The following SULF2 variants were observed in gnomAD, a reference collection of about 807,000 sequenced individuals.
SULF2 encodes the protein sulfatase 2.
A neutral mutation model predicts 107.7 loss-of-function variants in SULF2; 52 were observed. The observed-to-expected ratio is 0.48, with a 90% CI of 0.39 to 0.61. The LOEUF is 0.61. Among genes scored for constraint, SULF2 ranks in the 20% least tolerant of loss-of-function variants. The pLI is 0.00. For synonymous variants in SULF2, 460 were observed against 464.3 expected (o/e 0.99, Z 0.12); for missense variants, 993 against 1,177.3 (o/e 0.84, Z 2.29).
intron 2 of SULF2, among the ~76,000 whole-genome samples, chr20:47,756,250 A>G (rs1466393163): frequency 6.6e-6 from 1 of 152,172 alleles, no homozygotes; most frequent in African/African-American, 2.4e-5. Context: ...CCCCATAGTT[A>G]TCAAATGCGC....
chr20:47,704,044 C>T (rs6094789), intron 3 of SULF2, among the ~76,000 whole-genome samples: 53,605 of 151,930 alleles, frequency 0.35, 9,881 homozygotes, highest in Non-Finnish European at 0.41. Flanking sequence ...GGGAGTTTCT[C>T]GGGTGATGAT....
At chr20:47,785,758 C>A (rs1045407319), upstream of SULF2, 3 of 148,070 alleles carry the variant, frequency 2.0e-5, no homozygotes, top group African/African-American at 7.3e-5. Flanking sequence ...CCGGGAGCCG[C>A]GGACGGCTGG....
In SULF2 at chr20:47,678,721, C is replaced by T; in HGVS notation, c.1148G>A (p.Gly383Glu). The T allele has an allele frequency of 6.2e-7, 1 of 1,613,994 alleles. No individual in the cohort carries two copies. Among genetic ancestry groups the T allele is most frequent in the Non-Finnish European group, 8.5e-7 (1 of 1,180,010 alleles). ...AGLDIPADMDGKSILKLLDTE... is the reference protein window; with the variant it reads ...AGLDIPADMDEKSILKLLDTE... ...GTCCAGCAGCTTGAGGATGGATTTC[C>T]CGTCCATATCCGCAGGTATGTCCAG... The change falls in exon 8 of 21, where the codon GGG becomes GAG. Residue 383 changes from glycine to glutamate, a missense_variant. This residue lies in a region of SULF2 where 108 missense variants were observed against 183.9 expected (regional missense o/e 0.59). Coordinates refer to ENST00000688720, the MANE Select transcript of SULF2 (RefSeq NM_001387048.1). The surrounding 1 kb of genome is among the most constrained non-coding windows in gnomAD (Gnocchi z 4.5).
intron 1 of SULF2, 57 bp from the exon 2 acceptor site, chr20:47,757,520 T>A: frequency 9.7e-6 from 8 of 826,288 alleles, no homozygotes; most frequent in Non-Finnish European, 1.3e-5. Flanking sequence ...GGCTGCTCAT[T>A]CTTGCATAAT....
intron 1 of SULF2, among the ~76,000 whole-genome samples, chr20:47,775,618 G>A (rs769194512): frequency 2.0e-5 from 3 of 152,186 alleles, no homozygotes; most frequent in Non-Finnish European, 4.4e-5. Context: ...TTCGGCTAAT[G>A]AACACTTGGA....
At chr20:47,780,615 GC>G (rs2090814075) in intron 1 of SULF2, among the ~76,000 whole-genome samples, 1 of 151,974 alleles carries the variant, frequency 6.6e-6, no homozygotes. Flanking sequence ...GTGCAGTAGT[GC>G]GATCTCAGCT....
At chr20:47,715,529 A>G (rs6125084) in intron 3 of SULF2, among the ~76,000 whole-genome samples, 24,808 of 151,608 alleles carry the variant, frequency 0.16, 2,158 homozygotes, top group East Asian at 0.26. Context: ...TGAACCAACG[A>G]ACACCTCGTA....
intron 3 of SULF2, among the ~76,000 whole-genome samples, chr20:47,724,274 GGGGACAAACA>G (rs1405079001): frequency 6.6e-6 from 1 of 152,234 alleles, no homozygotes; most frequent in Non-Finnish European, 1.5e-5. Flanking sequence ...GCCAGTTGCT[GGGGACAAACA>G]GGGACAAGCA....
intron 3 of SULF2, among the ~76,000 whole-genome samples, chr20:47,733,377 A>AAC (rs1399055298): frequency 1.3e-5 from 2 of 152,184 alleles, no homozygotes; most frequent in African/African-American, 4.8e-5. Flanking sequence ...CAATTTGTGA[A>AAC]ACACATTATA....
chr20:47,660,850 A>C (rs2087041734), intron 18 of SULF2, among the ~76,000 whole-genome samples: 2 of 152,036 alleles, frequency 1.3e-5, no homozygotes, highest in Non-Finnish European at 2.9e-5. Flanking sequence ...TCCCAAACAA[A>C]ACTCAGGATT....
chr20:47,771,479 A>G (rs1439987118), intron 1 of SULF2, among the ~76,000 whole-genome samples: 1 of 152,214 alleles, frequency 6.6e-6, no homozygotes, highest in African/African-American at 2.4e-5. Context: ...TAACAAACCC[A>G]GAAAACCCCA....
intron 7 of SULF2, among the ~76,000 whole-genome samples, chr20:47,681,649 A>G (rs781213748): frequency 1.3e-5 from 2 of 152,148 alleles, no homozygotes; most frequent in Non-Finnish European, 2.9e-5. Context: ...TGGGGCTACT[A>G]TGAGCATCCA....
At chr20:47,776,714 C>T (rs755612177) in intron 1 of SULF2, among the ~76,000 whole-genome samples, 1 of 152,212 alleles carries the variant, frequency 6.6e-6, no homozygotes, top group African/African-American at 2.4e-5. Flanking sequence ...TCCACCAGCC[C>T]TTCTGCAAGG....
Position 47,680,929 on chromosome 20 carries a change from A to G in SULF2, c.1064+2065T>C, listed in dbSNP as rs1399183944. On this transcript the variant is annotated intron_variant, in intron 7 of 20. Coordinates refer to ENST00000688720, the MANE Select transcript of SULF2 (RefSeq NM_001387048.1). This position sits in a 1 kb window ranked among gnomAD's most constrained non-coding sequence, Gnocchi z 4.2. ...GGCCCCATTCAGAGTCCCCTGCCCA[A>G]TGTACTCAGCCTGGTTACTCAAGGG... Among the ~76,000 whole-genome samples the G allele has an allele frequency of 6.6e-6, 1 of 152,170 alleles. No individual in the cohort carries two copies. The highest frequency in any genetic ancestry group is 1.9e-4 in the East Asian group (1 of 5,194).
In SULF2 at chr20:47,705,856, T is replaced by C. The variant is rs552178963; in HGVS notation, c.416-3186A>G. 2.7e-5 allele frequency among the ~76,000 whole-genome samples: 4 copies of C among 150,772 alleles called. No homozygotes were observed. The South Asian group carries it at 8.4e-4, about 32-fold the overall frequency. The stretch of plus-strand genomic sequence containing the variant: ...CGCTGTTTTCCAGGCTGGAGTGCAA[T>C]GGCGTGATGTCGCCTCACAGCAACC... On this transcript the variant is annotated intron_variant, in intron 3 of 20. Coordinates refer to ENST00000688720, the MANE Select transcript of SULF2 (RefSeq NM_001387048.1).
rs573286883 is a variant in SULF2 at position 47,752,998 on chromosome 20, G to A, written c.175+4191C>T. Among the ~76,000 whole-genome samples, 46 of 150,888 alleles carry A rather than the reference G, an allele frequency of 3.0e-4. No individual in the cohort carries two copies. In the South Asian group the frequency reaches 9.6e-3, roughly 32 times the overall value. Reference sequence around the variant, plus strand: ...CACCTGTAATTCCAGCTACTTGGGAGGCTGAGGCAGGAGAATCACGTGAAC... The same window carrying A: ...CACCTGTAATTCCAGCTACTTGGGAAGCTGAGGCAGGAGAATCACGTGAAC... On this transcript the variant is annotated intron_variant, in intron 2 of 20. Transcript: ENST00000688720.
intron 4 of SULF2, among the ~76,000 whole-genome samples, chr20:47,695,838 C>G (rs1178008561): frequency 1.3e-5 from 2 of 152,206 alleles, no homozygotes; most frequent in Non-Finnish European, 2.9e-5. Context: ...GTCTCGAACT[C>G]CTGGCCTCAA....
At chr20:47,747,856 TCACG>T (rs1268947659) in intron 2 of SULF2, among the ~76,000 whole-genome samples, 1 of 151,386 alleles carries the variant, frequency 6.6e-6, no homozygotes, top group African/African-American at 2.4e-5. Flanking sequence ...ACCCACCCAC[TCACG>T]ATCCATAAAG....
intron 1 of SULF2, among the ~76,000 whole-genome samples, chr20:47,758,670 C>T (rs947334338): frequency 1.3e-5 from 2 of 152,156 alleles, no homozygotes; most frequent in African/African-American, 4.8e-5. Flanking sequence ...TCTCGCCCTG[C>T]TCTTTGCTCT....
Sources: allele counts gnomAD v4.1 joint callset (sites outside exome capture counted in the v4.1 genomes callset), GRCh38; gene constraint gnomAD v4.1.1; regional missense constraint gnomAD v4.1.1; non-coding constraint Gnocchi (gnomAD v3.1); transcripts MANE v1.5; gene names NCBI Gene and HGNC (gene_info 2026-07-23, HGNC 2026-07-21).